MBOAT1: variants seen among roughly 807,000 people sequenced by gnomAD.
MBOAT1 encodes membrane-bound glycerophospholipid O-acyltransferase 1.
Under a neutral mutation model 64.4 loss-of-function variants are expected in MBOAT1, and 67 were observed. That is an observed-to-expected ratio of 1.04 (90% CI 0.85 to 1.27). MBOAT1 has a LOEUF of 1.27. Among genes scored for constraint, MBOAT1 ranks in the 50% most tolerant of loss-of-function variants. The pLI is 0.00. For missense variants in MBOAT1, 563 were observed against 604.6 expected, an observed-to-expected ratio of 0.93 and a Z score of 0.72; for synonymous variants, 229 against 218.9, an observed-to-expected ratio of 1.05 and a Z score of -0.41.
At chr6:20,198,779 GTT>G (rs1258843343) in intron 1 of MBOAT1, among the ~76,000 whole-genome samples, 3 of 152,136 alleles carry the variant, frequency 2.0e-5, no homozygotes, top group Non-Finnish European at 4.4e-5. Flanking sequence ...TTTCTAAATT[GTT>G]TTATAGCCCA....
chr6:20,109,486 G>T, intron 12 of MBOAT1, 112 bp downstream of exon 12: 1 of 1,302,466 alleles, frequency 7.7e-7, no homozygotes, highest in Non-Finnish European at 1.1e-6. Context: ...CCACACTGAA[G>T]CCCCAGTTAG....
At chr6:20,191,251 TG>T (rs1762792509) in intron 1 of MBOAT1, among the ~76,000 whole-genome samples, 1 of 152,174 alleles carries the variant, frequency 6.6e-6, no homozygotes, top group African/African-American at 2.4e-5. Flanking sequence ...ATTTCCACCC[TG>T]GGATGACCCC....
Position 20,102,460 on chromosome 6 carries a change from T to C in MBOAT1, c.1362-48A>G, listed in dbSNP as rs138754103. ...ATTATATTTCAAATAAGGATGTAGA[T>C]GGGAAACACCACCTAATTATATCAC... On this transcript the variant is annotated intron_variant, in intron 12 of 12. Coordinates refer to ENST00000324607, the MANE Select transcript of MBOAT1 (RefSeq NM_001080480.3). The C allele has an allele frequency of 1.3e-4, 189 of 1,500,694 alleles. No homozygotes were observed. In the African/African-American group the frequency reaches 2.4e-3, roughly 19 times the overall value. The allele number at this position is 1,500,694 out of a possible 1,614,324, so 93.0% of individuals were successfully genotyped here. A position where few individuals can be genotyped will look rare whatever the true frequency, so the allele number is the denominator to read the frequency against.
chr6:20,177,706 A>G (rs188451777), intron 1 of MBOAT1, among the ~76,000 whole-genome samples: 7,307 of 149,522 alleles, frequency 0.049, 270 homozygotes, highest in Middle Eastern at 0.085. Context: ...CCTGGGAGGC[A>G]GAGCTTGCAG....
chr6:20,165,319 C>G (rs2113715455), intron 1 of MBOAT1, among the ~76,000 whole-genome samples: 1 of 152,156 alleles, frequency 6.6e-6, no homozygotes, highest in African/African-American at 2.4e-5. Context: ...CCAACATTAA[C>G]TACAACATCT....
Position 20,124,392 on chromosome 6 carries a change from A to G in MBOAT1, c.907+16T>C, listed in dbSNP as rs780848573. ...ATTTTTCCCTCATTCAGTTACAGCT[A>G]CTCCATCAAACTTACCTAATGTCCA... On this transcript the variant is annotated intron_variant, in intron 8 of 12. Coordinates refer to ENST00000324607, the MANE Select transcript of MBOAT1 (RefSeq NM_001080480.3). The G allele has an allele frequency of 1.9e-6, 3 of 1,609,184 alleles. No individual in the cohort carries two copies. The highest frequency in any genetic ancestry group is 2.2e-5 in the South Asian group (2 of 90,428).
intron 12 of MBOAT1, among the ~76,000 whole-genome samples, chr6:20,102,658 C>A (rs544139417): frequency 6.6e-6 from 1 of 152,158 alleles, no homozygotes; most frequent in South Asian, 2.1e-4. Context: ...TGGATACACA[C>A]GGTACCGTCC....
chr6:20,152,378 TTAA>T (rs1303035779), intron 2 of MBOAT1, among the ~76,000 whole-genome samples: 18 of 143,818 alleles, frequency 1.3e-4, no homozygotes, highest in African/African-American at 3.6e-4. Context: ...AATTAATTAA[TTAA>T]TTAATTAAAA....
chr6:20,179,915 T>A (rs9465646), intron 1 of MBOAT1, among the ~76,000 whole-genome samples: 19,971 of 121,042 alleles, frequency 0.16, 2,289 homozygotes, highest in African/African-American at 0.34. Flanking sequence ...AGATCAGTGA[T>A]GTTGAGCTTT....
At position 20,176,748 on chromosome 6, in the gene MBOAT1, C is replaced by T. The variant is rs1762352275; in HGVS notation, c.100-23979G>A. ...AAACAATTCTCATGCCTCAGCCTCC[C>T]TAGCAGCTGGGATTACAAGCACGTG... On this transcript the variant is annotated intron_variant, in intron 1 of 12. Coordinates refer to ENST00000324607, the MANE Select transcript of MBOAT1 (RefSeq NM_001080480.3). Among the ~76,000 whole-genome samples, 3 of 152,230 alleles carry T rather than the reference C, an allele frequency of 2.0e-5. No individual in the cohort carries two copies. The South Asian group carries it at 6.2e-4, about 32-fold the overall frequency.
At chr6:20,131,574 C>T (rs1760829843) in intron 4 of MBOAT1, among the ~76,000 whole-genome samples, 1 of 152,188 alleles carries the variant, frequency 6.6e-6, no homozygotes, top group South Asian at 2.1e-4. Flanking sequence ...TTATAAATTA[C>T]CGAGTCTTGG....
chr6:20,102,974 C>A (rs1401768267), intron 12 of MBOAT1, among the ~76,000 whole-genome samples: 1 of 152,160 alleles, frequency 6.6e-6, no homozygotes, highest in Non-Finnish European at 1.5e-5. Flanking sequence ...AAAAGGCCAG[C>A]ACATACTATT....
intron 8 of MBOAT1, among the ~76,000 whole-genome samples, 171 bp from the exon 9 acceptor site, chr6:20,118,711 A>C (rs1461990094): frequency 2.9e-5 from 2 of 69,328 alleles, no homozygotes; most frequent in Non-Finnish European, 9.4e-5. Flanking sequence ...AGAAAAACAT[A>C]TTCGGCTGTT....
At chr6:20,145,685 A>T (rs2328397) in intron 3 of MBOAT1, among the ~76,000 whole-genome samples, 33,911 of 152,060 alleles carry the variant, frequency 0.22, 4,444 homozygotes, top group East Asian at 0.48. Flanking sequence ...TGTTTACCTT[A>T]CTCTCAAATG....
intron 1 of MBOAT1, among the ~76,000 whole-genome samples, chr6:20,156,694 A>C (rs1447499872): frequency 1.3e-5 from 2 of 152,146 alleles, no homozygotes; most frequent in Non-Finnish European, 2.9e-5. Flanking sequence ...AAACATTTGA[A>C]CCCATGTGCA....
rs1581388323 is a variant in MBOAT1, at chr6:20,101,530, C to T, written c.*756G>A. 6.6e-6 allele frequency among the ~76,000 whole-genome samples: 1 copy of T among 152,176 alleles called. No homozygotes were observed. Among genetic ancestry groups the T allele is most frequent in the Admixed American group, 6.5e-5 (1 of 15,286 alleles). ...CCAGTAATGTCACAAGTCAAAGGGTCTGGGGCTTCCCAGGGAACCACTATG... is the reference window on the plus strand; with the variant it reads ...CCAGTAATGTCACAAGTCAAAGGGTTTGGGGCTTCCCAGGGAACCACTATG... On this transcript the variant is annotated 3_prime_UTR_variant, in exon 13 of 13. Transcript: ENST00000324607.
Position 20,101,795 on chromosome 6 carries a change from C to T in MBOAT1, c.*491G>A, listed in dbSNP as rs1456789561. ...TCAAAACCAATAACCTGGACATGGC[C>T]GATTAATCTGTACAAAAAGGCTTTA... On this transcript the variant is annotated 3_prime_UTR_variant, in exon 13 of 13. Coordinates refer to ENST00000324607, the MANE Select transcript of MBOAT1 (RefSeq NM_001080480.3). 6.6e-6 allele frequency among the ~76,000 whole-genome samples: 1 copy of T among 152,064 alleles called. No homozygotes were observed. Among genetic ancestry groups the T allele is most frequent in the Non-Finnish European group, 1.5e-5 (1 of 68,016 alleles).
chr6:20,159,479 C>A (rs1761786142), intron 1 of MBOAT1, among the ~76,000 whole-genome samples: 1 of 152,144 alleles, frequency 6.6e-6, no homozygotes, highest in Admixed American at 6.5e-5. Context: ...TCATTTGCGA[C>A]AACATGATAC....
In MBOAT1 at chr6:20,212,294, C is replaced by T; in HGVS notation, c.-60G>A. On this transcript the variant is annotated 5_prime_UTR_variant, in exon 1 of 13. Transcript: ENST00000324607. ...GCCCGCAACACCCCCTGCTCGGCGT[C>T]CTCCCGCCCGGGTGCTCTTGGGTGG... 1 of 1,512,452 alleles carries T rather than the reference C, an allele frequency of 6.6e-7. No homozygotes were observed. Among genetic ancestry groups the T allele is most frequent in the South Asian group, 1.2e-5 (1 of 84,988 alleles). 93.7% of individuals were successfully genotyped at this position (1,512,452 alleles called of 1,614,324 possible). A position where few individuals can be genotyped will look rare whatever the true frequency, so the allele number is the denominator to read the frequency against.
Sources: allele counts gnomAD v4.1 joint callset (sites outside exome capture counted in the v4.1 genomes callset), GRCh38; gene constraint gnomAD v4.1.1; transcripts MANE v1.5; gene names NCBI Gene and HGNC (gene_info 2026-07-23, HGNC 2026-07-21).